PCDHGB6: variants seen among roughly 807,000 people sequenced by gnomAD.
PCDHGB6 encodes the protein protocadherin gamma subfamily B, 6, also known as protocadherin gamma-B6.
In PCDHGB6, 51 loss-of-function variants were observed where a neutral mutation model predicts 59.1. That is an observed-to-expected ratio of 0.86 (90% CI 0.69 to 1.09). PCDHGB6 has a LOEUF of 1.09. Among genes scored for constraint, PCDHGB6 ranks in the 50% least tolerant of loss-of-function variants. PCDHGB6 has a pLI of 0.00. For synonymous variants in PCDHGB6, 466 were observed against 495.1 expected, an observed-to-expected ratio of 0.94 and a Z score of 0.78; for missense variants, 1,148 against 1,205.1, an observed-to-expected ratio of 0.95 and a Z score of 0.70.
chr5:141,490,143 A>G lies in PCDHGB6; in HGVS notation c.2419-4664A>G. On this transcript the variant is annotated intron_variant, in intron 1 of 3. Transcript: ENST00000520790. The surrounding 1 kb of genome is among the most constrained non-coding windows in gnomAD (Gnocchi z 5.4). ...TTGGCCTAGACCCTAGCAGTGGGGC[A>G]ATCCATGTGTTGGGTCCCATAGACT... is the stretch of plus-strand genomic sequence containing the variant. 1 of 1,614,234 alleles carries G rather than the reference A, an allele frequency of 6.2e-7. No homozygotes were observed. The highest frequency in any genetic ancestry group is 8.5e-7 in the Non-Finnish European group (1 of 1,180,034).
At chr5:141,475,715 C>T (rs989484033) in intron 1 of PCDHGB6, among the ~76,000 whole-genome samples, 1 of 152,366 alleles carries the variant, frequency 6.6e-6, no homozygotes, top group African/African-American at 2.4e-5. Context: ...AGCCTCACAG[C>T]CCCAAGGCTG....
At chr5:141,417,690 A>T in intron 1 of PCDHGB6, 1 of 1,077,126 alleles carries the variant, frequency 9.3e-7, no homozygotes, top group East Asian at 2.6e-5. Context: ...AGAAAAGAAA[A>T]CCAGCTCCCA....
At chr5:141,504,842 A>G (rs944461166) in intron 2 of PCDHGB6, among the ~76,000 whole-genome samples, 7 of 151,968 alleles carry the variant, frequency 4.6e-5, no homozygotes, top group African/African-American at 1.7e-4. Context: ...CTAGCTCTGG[A>G]ACATTCTCTT....
intron 1 of PCDHGB6, chr5:141,433,358 CCTATCTATCTAT>C (rs3074541): frequency 0.01 from 5,256 of 504,010 alleles, 38 homozygotes; most frequent in Non-Finnish European, 0.014. Flanking sequence ...CTACTGTCTG[CCTATCTATCTAT>C]CTATCTATCT....
chr5:141,468,648 C>G (rs60206946), intron 1 of PCDHGB6: 27,626 of 151,800 alleles, frequency 0.18, 2,687 homozygotes, highest in Admixed American at 0.28. Flanking sequence ...GGGCGGATCA[C>G]AAGGTCAGGA....
chr5:141,421,863 C>T (rs767555107), intron 1 of PCDHGB6: 1 of 1,613,746 alleles, frequency 6.2e-7, no homozygotes, highest in Non-Finnish European at 8.5e-7. Flanking sequence ...ACCTGCTCCT[C>T]CTCACAGCTT....
At chr5:141,494,363 T>C (rs1264801258) in intron 1 of PCDHGB6, among the ~76,000 whole-genome samples, 1 of 152,206 alleles carries the variant, frequency 6.6e-6, no homozygotes, top group Non-Finnish European at 1.5e-5. Context: ...CTGCAGAGGA[T>C]GCTTTGTTCC....
chr5:141,410,516 C>T lies in PCDHGB6; in HGVS notation c.2314C>T (p.Pro772Ser). The T allele has an allele frequency of 1.2e-6, 2 of 1,613,910 alleles. No homozygotes were observed. The highest frequency in any genetic ancestry group is 1.6e-4 in the Middle Eastern group (1 of 6,062). ...GTTTAATTTCCTAAAATGCAGTGTG[C>T]CCCTACATTCCAATGAAGACATGGT... is the stretch of plus-strand genomic sequence containing the variant. The part of the protein sequence containing the change: ...KEFNFLKCSV[P>S]LHSNEDMVCS... The change falls in exon 1 of 4, where the codon CCC (proline) becomes TCC (serine). Residue 772 changes from proline (P) to serine (S), a missense_variant. Physicochemically the swap from Pro to Ser is moderately conservative, Grantham distance 74. This residue lies in a region of PCDHGB6 where 283 missense variants were observed against 318.6 expected (regional missense o/e 0.89). Coordinates refer to ENST00000520790, the MANE Select transcript of PCDHGB6 (RefSeq NM_018926.3).
chr5:141,490,604 A>T lies in PCDHGB6; in HGVS notation c.2419-4203A>T, dbSNP rs749528675. ...GTCAATGACAATGCACCCCGCTTCA[A>T]CCAGCAGCTTTACACTGCTTACATC... On this transcript the variant is annotated intron_variant, in intron 1 of 3. Transcript: ENST00000520790. The surrounding 1 kb of genome is among the most constrained non-coding windows in gnomAD (Gnocchi z 5.4). 6.2e-7 allele frequency: 1 copy of T among 1,614,192 alleles called. No homozygotes were observed. The highest frequency in any genetic ancestry group is 8.5e-7 in the Non-Finnish European group (1 of 1,180,022).
intron 1 of PCDHGB6, chr5:141,478,808 T>A: frequency 3.4e-6 from 5 of 1,459,124 alleles, no homozygotes; most frequent in Non-Finnish European, 4.5e-6. Context: ...TCTTTTGCTA[T>A]CACAACTAAC....
intron 1 of PCDHGB6, among the ~76,000 whole-genome samples, chr5:141,444,315 G>A (rs2098431855): frequency 6.6e-6 from 1 of 151,946 alleles, no homozygotes; most frequent in South Asian, 2.1e-4. Flanking sequence ...AGGATTACAG[G>A]CATGTGCCAC....
intron 1 of PCDHGB6, chr5:141,420,314 A>G (rs1454977890): frequency 6.9e-7 from 1 of 1,442,692 alleles, no homozygotes; most frequent in African/African-American, 1.4e-5. Flanking sequence ...TTTATATTAC[A>G]ATATGCCAAT....
chr5:141,491,361 C>T lies in PCDHGB6; in HGVS notation c.2419-3446C>T. 1 of 1,614,132 alleles carries T rather than the reference C, an allele frequency of 6.2e-7. No homozygotes were observed. The highest frequency in any genetic ancestry group is 8.5e-7 in the Non-Finnish European group (1 of 1,179,982). ...CGACCGTCAGTCTCTTATCCCTAGT[C>T]ACCTTCACCTTTCTGTCAGCGAAGT... On this transcript the variant is annotated intron_variant, in intron 1 of 3. Transcript: ENST00000520790. The surrounding 1 kb of genome is among the most constrained non-coding windows in gnomAD (Gnocchi z 6.9).
chr5:141,413,967 G>C, intron 1 of PCDHGB6: 15 of 1,613,428 alleles, frequency 9.3e-6, no homozygotes, highest in Non-Finnish European at 1.2e-5. Context: ...TGGGCACTCA[G>C]CTGCTGACAG....
At chr5:141,451,762 T>C (rs2154563695) in intron 1 of PCDHGB6, among the ~76,000 whole-genome samples, 1 of 152,100 alleles carries the variant, frequency 6.6e-6, no homozygotes, top group African/African-American at 2.4e-5. Flanking sequence ...ATGCCTATAG[T>C]CCCAGCTACT....
At chr5:141,430,581 C>A in intron 1 of PCDHGB6, 1 of 483,436 alleles carries the variant, frequency 2.1e-6, no homozygotes, top group Non-Finnish European at 3.4e-6. Context: ...GGAGATCCTG[C>A]TCGCCTTGCA....
intron 1 of PCDHGB6, among the ~76,000 whole-genome samples, chr5:141,463,573 C>T (rs1331124291): frequency 6.6e-6 from 1 of 151,436 alleles, no homozygotes; most frequent in East Asian, 1.9e-4. Flanking sequence ...CTCAGCCTCC[C>T]GAGTAGCTGG....
Position 141,432,473 on chromosome 5 carries a change from T to G in PCDHGB6, c.2418+21853T>G. On this transcript the variant is annotated intron_variant, in intron 1 of 3. Coordinates refer to ENST00000520790, the MANE Select transcript of PCDHGB6 (RefSeq NM_018926.3). The surrounding 1 kb of genome is among the most constrained non-coding windows in gnomAD (Gnocchi z 6.0). ...GTACCCCGCCCTCCCCACGGACGGT[T>G]CCACTGGCGTGGAGCTGGCTCCCCG... 1 of 1,614,180 alleles carries G rather than the reference T, an allele frequency of 6.2e-7. No individual in the cohort carries two copies. The highest frequency in any genetic ancestry group is 1.1e-5 in the South Asian group (1 of 91,078).
chr5:141,485,964 T>A lies in PCDHGB6; in HGVS notation c.2419-8843T>A. 1 of 1,614,162 alleles carries A rather than the reference T, an allele frequency of 6.2e-7. No homozygotes were observed. The highest frequency in any genetic ancestry group is 8.5e-7 in the Non-Finnish European group (1 of 1,180,000). On this transcript the variant is annotated intron_variant, in intron 1 of 3. Transcript: ENST00000520790. The surrounding 1 kb of genome is among the most constrained non-coding windows in gnomAD (Gnocchi z 5.7). ...CCAGCGGGCATGGTGCTCATCCAGC[T>A]CAATGCCTCAGACCCGGACCTGGGT...
Sources: gnomAD v4.1 joint callset for allele counts (sites outside exome capture counted in the v4.1 genomes callset) on GRCh38, gnomAD v4.1.1 for gene constraint, gnomAD v4.1.1 regional missense constraint, Gnocchi (gnomAD v3.1) non-coding constraint, MANE v1.5 for transcripts, NCBI Gene and HGNC (gene_info 2026-07-23, HGNC 2026-07-21) for gene names.